HVCN1: variants seen among roughly 807,000 people sequenced by gnomAD.
HVCN1 encodes hydrogen voltage gated channel 1, also known as voltage-gated hydrogen channel 1.
A neutral mutation model predicts 29.2 loss-of-function variants in HVCN1; 14 were observed. That is an observed-to-expected ratio of 0.48 (90% CI 0.32 to 0.75). The LOEUF is 0.75. Among genes scored for constraint, HVCN1 ranks in the 30% least tolerant of loss-of-function variants. The probability of loss-of-function intolerance (pLI) is 0.04; values close to 1 mark genes in which losing one functional copy is unlikely to be tolerated. For missense variants in HVCN1, 263 were observed against 341.8 expected (o/e 0.77, Z 1.82); for synonymous variants, 131 against 133.2 (o/e 0.98, Z 0.11).
At chr12:110,688,459 A>T (rs1454101019) in intron 2 of HVCN1, 166 bp downstream of exon 2, 3 of 152,342 alleles carry the variant, frequency 2.0e-5, no homozygotes, top group African/African-American at 7.2e-5. Context: ...GTTTCTAGGG[A>T]AGAGTTTGCT....
At chr12:110,650,078 C>T in intron 7 of HVCN1, 90 bp downstream of exon 7, 2 of 805,350 alleles carry the variant, frequency 2.5e-6, no homozygotes, top group Non-Finnish European at 4.3e-6. Context: ...CTCCGGACCT[C>T]AGGTGCTCCA....
At chr12:110,697,627 T>C (rs778146833) in intron 2 of HVCN1, among the ~76,000 whole-genome samples, 25 of 150,860 alleles carry the variant, frequency 1.7e-4, no homozygotes, top group Non-Finnish European at 3.5e-4. Context: ...TCTTACTATA[T>C]GCCACTCACA....
chr12:110,700,969 GACT>G (rs976804799), intron 2 of HVCN1, among the ~76,000 whole-genome samples: 5 of 152,214 alleles, frequency 3.3e-5, no homozygotes, highest in Non-Finnish European at 7.3e-5. Context: ...TCTCAGCTGG[GACT>G]ACTATTTGCA....
intron 4 of HVCN1, 47 bp from the exon 5 acceptor site, chr12:110,655,385 G>C (rs748070992): frequency 1.4e-6 from 2 of 1,396,622 alleles, no homozygotes; most frequent in Non-Finnish European, 2.0e-6. Context: ...CCCCACAGAG[G>C]CCCTCCCTCT....
In HVCN1 at chr12:110,695,371, TACACACACAC is replaced by T. The variant is rs59165683; in HGVS notation, c.-103-6673_-103-6664del. Among the ~76,000 whole-genome samples, 41 of 148,058 alleles carry T rather than the reference TACACACACAC, an allele frequency of 2.8e-4. No homozygotes were observed. In the East Asian group the frequency reaches 6.6e-3, roughly 24 times the overall value. On this transcript the variant is annotated intron_variant, in intron 2 of 4. Coordinates refer to the HVCN1 transcript ENST00000546713. ...TTACATATATTTTGTTTATTTTGTG[TACACACACAC>T]ACACACACACACACACACACATGAC... is the stretch of plus-strand genomic sequence containing the variant.
intron 3 of HVCN1, among the ~76,000 whole-genome samples, chr12:110,677,898 G>A (rs982110996): frequency 6.6e-6 from 1 of 152,134 alleles, no homozygotes; most frequent in African/African-American, 2.4e-5. Flanking sequence ...ATAGGGTTAG[G>A]AACCCTCCTG....
In HVCN1 at chr12:110,650,214, T is replaced by C. The variant is rs1046366333; in HGVS notation, c.710A>G (p.Gln237Arg). The C allele has an allele frequency of 1.2e-6, 2 of 1,613,578 alleles. No individual in the cohort carries two copies. Among genetic ancestry groups the C allele is most frequent in the Non-Finnish European group, 1.7e-6 (2 of 1,179,658 alleles). The change falls in exon 7 of 8, where the codon CAA becomes CGA. Residue 237 changes from glutamine to arginine, a missense_variant. Gln to Arg is a conservative substitution (Grantham distance 43). This residue lies in a region of HVCN1 where 51 missense variants were observed against 51.1 expected (regional missense o/e 1.00). Coordinates refer to ENST00000242607, the MANE Select transcript of HVCN1 (RefSeq NM_032369.4). ...QLLRLKQMNV[Q>R]LAAKIQHLEF... ...AAGGTGTTGAATCTTGGCGGCCAAT[T>C]GTACATTCATCTGTTTTAACCTTAA...
chr12:110,672,701 C>T (rs929625066), intron 3 of HVCN1, among the ~76,000 whole-genome samples: 3 of 152,108 alleles, frequency 2.0e-5, no homozygotes, highest in East Asian at 1.9e-4. Context: ...TGGAGGCACC[C>T]GGGGGAGGTA....
chr12:110,650,071 C>T (rs996487469), intron 7 of HVCN1, 97 bp downstream of exon 7: 35 of 755,546 alleles, frequency 4.6e-5, no homozygotes, highest in Admixed American at 1.2e-4. Context: ...TCTCGAACTC[C>T]GGACCTCAGG....
At chr12:110,660,437 G>A (rs2068130739) in intron 4 of HVCN1, among the ~76,000 whole-genome samples, 1 of 152,264 alleles carries the variant, frequency 6.6e-6, no homozygotes, top group Non-Finnish European at 1.5e-5. Context: ...CTCCACAAGA[G>A]AGACTGAGGC....
At chr12:110,685,299 C>T (rs1397941432) in intron 2 of HVCN1, among the ~76,000 whole-genome samples, 1 of 152,156 alleles carries the variant, frequency 6.6e-6, no homozygotes, top group East Asian at 1.9e-4. Flanking sequence ...GGCATGTGGG[C>T]CCCTCTAGAA....
At chr12:110,680,211 G>C (rs2068910551) in intron 3 of HVCN1, among the ~76,000 whole-genome samples, 1 of 152,144 alleles carries the variant, frequency 6.6e-6, no homozygotes, top group South Asian at 2.1e-4. Context: ...ATGTCCTCCT[G>C]ACAACACCCT....
intron 4 of HVCN1, among the ~76,000 whole-genome samples, chr12:110,660,812 TCCCTCAGCA>T (rs1338049432): frequency 6.6e-6 from 1 of 152,208 alleles, no homozygotes; most frequent in Admixed American, 6.5e-5. Flanking sequence ...CTGGCTTCTT[TCCCTCAGCA>T]CCATGTTTTC....
intron 2 of HVCN1, among the ~76,000 whole-genome samples, chr12:110,695,629 C>T (rs2069477659): frequency 6.6e-6 from 1 of 152,298 alleles, no homozygotes; most frequent in South Asian, 2.1e-4. Context: ...GACTGAGATG[C>T]AGATCCACTG....
intron 5 of HVCN1, among the ~76,000 whole-genome samples, chr12:110,654,126 T>C (rs1176876115): frequency 6.6e-6 from 1 of 151,938 alleles, no homozygotes; most frequent in Non-Finnish European, 1.5e-5. Context: ...GGTATGTTAA[T>C]GGATTCTATT....
chr12:110,672,221 C>T (rs566320791), intron 3 of HVCN1, among the ~76,000 whole-genome samples: 26 of 152,246 alleles, frequency 1.7e-4, no homozygotes, highest in African/African-American at 4.3e-4. Flanking sequence ...GCAATCCTCC[C>T]GCCTCAGCCT....
intron 4 of HVCN1, among the ~76,000 whole-genome samples, chr12:110,659,854 G>A (rs1160566188): frequency 6.6e-6 from 1 of 152,122 alleles, no homozygotes; most frequent in Non-Finnish European, 1.5e-5. Flanking sequence ...GATCACTTGA[G>A]GTCAGGAGTT....
chr12:110,652,810 A>G (rs2067857849), intron 5 of HVCN1, among the ~76,000 whole-genome samples: 1 of 152,210 alleles, frequency 6.6e-6, no homozygotes, highest in Admixed American at 6.5e-5. Flanking sequence ...ACAGATGCCA[A>G]CTGGGGAAGA....
At chr12:110,664,758 AGAG>A (rs1238938986) in intron 3 of HVCN1, among the ~76,000 whole-genome samples, 1 of 152,200 alleles carries the variant, frequency 6.6e-6, no homozygotes, top group Non-Finnish European at 1.5e-5. Context: ...AAAGGTATGC[AGAG>A]GAGGAGACCC....
Sources: allele counts gnomAD v4.1 joint callset (sites outside exome capture counted in the v4.1 genomes callset), GRCh38; gene constraint gnomAD v4.1.1; regional missense constraint gnomAD v4.1.1; transcripts MANE v1.5; gene names NCBI Gene and HGNC (gene_info 2026-07-23, HGNC 2026-07-21).